Variants in PPFIBP2 observed in about 807,000 individuals in gnomAD.
PPFIBP2 encodes liprin-beta-2.
In PPFIBP2, 118 loss-of-function variants were observed where a neutral mutation model predicts 118.3. The ratio of observed to expected loss-of-function variants is 1.00; its 90% CI spans 0.86 to 1.16. The LOEUF is 1.16. PPFIBP2 is among the 50% of genes most tolerant of loss of function. The pLI, the probability that PPFIBP2 is intolerant of heterozygous loss-of-function variation, is 0.00. For synonymous variants in PPFIBP2, 414 were observed against 397.4 expected (o/e 1.04, Z -0.50); for missense variants, 1,195 against 1,073.1 (o/e 1.11, Z -1.59).
At chr11:7,542,059 C>T (rs1030827774) in intron 1 of PPFIBP2, among the ~76,000 whole-genome samples, 2 of 152,224 alleles carry the variant, frequency 1.3e-5, no homozygotes, top group African/African-American at 4.8e-5. Context: ...TTCCAAGAAG[C>T]AGCCAGAGTA....
At chr11:7,627,775 C>G (rs983176946) in intron 8 of PPFIBP2, among the ~76,000 whole-genome samples, 1 of 152,194 alleles carries the variant, frequency 6.6e-6, no homozygotes, top group Non-Finnish European at 1.5e-5. Context: ...ATTTGTTAGT[C>G]AATTTTGACT....
At position 7,632,785 on chromosome 11, in the gene PPFIBP2, A is replaced by G. The variant is rs1050459484; in HGVS notation, c.1069-82A>G. ...AGGGAGGAAATGTCTCCCTAAAAGG[A>G]ATCATGTGAAGCAGGGGGAAAGATG... On this transcript the variant is annotated intron_variant, in intron 11 of 23. Coordinates refer to ENST00000299492, the MANE Select transcript of PPFIBP2 (RefSeq NM_003621.5). 5.6e-5 allele frequency: 62 copies of G among 1,101,110 alleles called. 1 individual carries two copies. The highest frequency in any genetic ancestry group is 5.4e-4 in the South Asian group (42 of 78,352). The allele number at this position is 1,101,110 out of a possible 1,614,324, so 68.2% of individuals were successfully genotyped here.
At chr11:7,587,912 C>G (rs533929620) in intron 3 of PPFIBP2, among the ~76,000 whole-genome samples, 1 of 152,314 alleles carries the variant, frequency 6.6e-6, no homozygotes, top group South Asian at 2.1e-4. Flanking sequence ...TCCATTAAAG[C>G]AGGGTGCTGA....
chr11:7,667,104 ACTC>A, the PPFIBP2 span: 1 of 151,486 alleles, frequency 6.6e-6, no homozygotes, highest in African/African-American at 2.4e-5. Context: ...GGATCTTAAA[ACTC>A]CTCATGATTC....
intron 1 of PPFIBP2, among the ~76,000 whole-genome samples, chr11:7,545,939 A>C (rs1321582772): frequency 6.6e-6 from 1 of 152,198 alleles, no homozygotes; most frequent in Non-Finnish European, 1.5e-5. Context: ...TCAATCACCA[A>C]GGACTGAGCG....
intron 22 of PPFIBP2, 82 bp from the exon 23 acceptor site, chr11:7,651,574 C>T: frequency 1.5e-6 from 2 of 1,344,292 alleles, no homozygotes; most frequent in African/African-American, 1.5e-5. Context: ...CCCCCAGCCC[C>T]AACAGGCCAG....
In PPFIBP2 at chr11:7,520,673, C is replaced by T. The variant is rs74051653; in HGVS notation, c.-37+6552C>T. ...CTGTTCATCCCCATTCAAGATGTGA[C>T]ATTCAGTCCCCATTTGGTGTGGGCA... is the stretch of plus-strand genomic sequence containing the variant. On this transcript the variant is annotated intron_variant, in intron 1 of 23. Transcript: ENST00000299492. Among the ~76,000 whole-genome samples the T allele has an allele frequency of 4.2e-3, 646 of 152,338 alleles. 5 individuals are homozygous for T. The highest frequency in any genetic ancestry group is 0.014 in the African/African-American group (591 of 41,570).
At chr11:7,534,082 G>A (rs1322730881) in intron 1 of PPFIBP2, among the ~76,000 whole-genome samples, 2 of 152,194 alleles carry the variant, frequency 1.3e-5, no homozygotes, top group African/African-American at 4.8e-5. Context: ...GGTAAGGAGA[G>A]TTTGGTGGAA....
chr11:7,665,359 G>A, the PPFIBP2 span: 73 of 1,468,406 alleles, frequency 5.0e-5, no homozygotes, highest in Non-Finnish European at 6.6e-5. Context: ...CAAAATTGCT[G>A]AGCACGTGGA....
Position 7,565,644 on chromosome 11 carries a change from T to A in PPFIBP2, c.156T>A (p.His52Gln), listed in dbSNP as rs777630701. ...ASYMNPFPVL[H>Q]LIEDLRLALE... Reference sequence around the variant, plus strand: ...ACATGAACCCCTTCCCGGTGCTCCATCTCATCGAGGACTTGAGGCTGGCCT... The same window carrying A: ...ACATGAACCCCTTCCCGGTGCTCCAACTCATCGAGGACTTGAGGCTGGCCT... Residue 52 changes from histidine to glutamine, a missense_variant, in exon 3 of 24, where the codon CAT (histidine) becomes CAA (glutamine). Coordinates refer to ENST00000299492, the MANE Select transcript of PPFIBP2 (RefSeq NM_003621.5). 6.2e-7 allele frequency: 1 copy of A among 1,614,052 alleles called. No homozygotes were observed. The highest frequency in any genetic ancestry group is 1.6e-4 in the Middle Eastern group (1 of 6,082).
At chr11:7,630,357 G>A in intron 10 of PPFIBP2, among the ~76,000 whole-genome samples, 1 of 152,172 alleles carries the variant, frequency 6.6e-6, no homozygotes, top group Non-Finnish European at 1.5e-5. Context: ...TGTCACCCAG[G>A]TTGGAGTGCA....
At chr11:7,628,216 C>A in intron 8 of PPFIBP2, 69 bp from the exon 9 acceptor site, 2 of 1,323,296 alleles carry the variant, frequency 1.5e-6, no homozygotes, top group Non-Finnish European at 2.1e-6. Flanking sequence ...ACTTGGGGGA[C>A]ATCATAGCAA....
At chr11:7,559,276 T>C (rs1199107570) in intron 2 of PPFIBP2, among the ~76,000 whole-genome samples, 5 of 152,238 alleles carry the variant, frequency 3.3e-5, no homozygotes, top group Non-Finnish European at 4.4e-5. Flanking sequence ...TGGTGTCTTC[T>C]AAATTTTCCT....
chr11:7,662,494 G>T, the PPFIBP2 span, among the ~76,000 whole-genome samples: 5 of 151,884 alleles, frequency 3.3e-5, no homozygotes, highest in East Asian at 5.8e-4. Context: ...CTTCTGGCTT[G>T]TAGGGTTTCT....
chr11:7,596,038 A>G (rs1860223240), intron 4 of PPFIBP2, among the ~76,000 whole-genome samples: 1 of 152,076 alleles, frequency 6.6e-6, no homozygotes, highest in Non-Finnish European at 1.5e-5. Flanking sequence ...ACATCCCTTC[A>G]TTTGTAATAC....
chr11:7,552,442 T>C lies in PPFIBP2; in HGVS notation c.64+2903T>C, dbSNP rs576199790. ...TCCCATCTGAGTTTTGTGGTTTTCA[T>C]TGTATAAGGCTTGTGCATCCATTGC... On this transcript the variant is annotated intron_variant, in intron 2 of 23. Coordinates refer to ENST00000299492, the MANE Select transcript of PPFIBP2 (RefSeq NM_003621.5). Among the ~76,000 whole-genome samples the C allele has an allele frequency of 6.6e-5, 10 of 152,350 alleles. No homozygotes were observed. The South Asian group carries it at 2.1e-3, about 32-fold the overall frequency.
At chr11:7,588,409 C>T (rs561048199) in intron 3 of PPFIBP2, among the ~76,000 whole-genome samples, 1 of 152,320 alleles carries the variant, frequency 6.6e-6, no homozygotes, top group South Asian at 2.1e-4. Context: ...GAATACCCTG[C>T]ACAGCTGATA....
At chr11:7,596,019 G>A (rs1860218649) in intron 4 of PPFIBP2, among the ~76,000 whole-genome samples, 1 of 151,664 alleles carries the variant, frequency 6.6e-6, no homozygotes, top group Non-Finnish European at 1.5e-5. Flanking sequence ...TATTTTGTCT[G>A]GATTTCCTAC....
chr11:7,617,745 G>T (rs1001057452), intron 6 of PPFIBP2, among the ~76,000 whole-genome samples: 5 of 151,980 alleles, frequency 3.3e-5, no homozygotes, highest in Non-Finnish European at 7.4e-5. Flanking sequence ...GTTCAAAGAG[G>T]TTTACCCCCA....
Sources: allele counts gnomAD v4.1 joint callset (sites outside exome capture counted in the v4.1 genomes callset), GRCh38; gene constraint gnomAD v4.1.1; transcripts MANE v1.5; gene names NCBI Gene and HGNC (gene_info 2026-07-23, HGNC 2026-07-21).